TAS2R1: variants seen among roughly 807,000 people sequenced by gnomAD.
TAS2R1 encodes the protein taste receptor type 2 member 1.
For missense variants in TAS2R1, 370 were observed against 353.4 expected (o/e 1.05, Z -0.38); for synonymous variants, 141 against 134.2 (o/e 1.05, Z -0.35).
the TAS2R1 span, among the ~76,000 whole-genome samples, chr5:9,840,437 T>C: frequency 6.6e-6 from 1 of 152,236 alleles, no homozygotes; most frequent in East Asian, 1.9e-4. Flanking sequence ...CATATCTTAT[T>C]ATCTTTTGGT....
the TAS2R1 span, among the ~76,000 whole-genome samples, chr5:9,835,924 A>T: frequency 2.0e-5 from 3 of 152,202 alleles, no homozygotes; most frequent in African/African-American, 7.2e-5. Flanking sequence ...TGAGTTAATC[A>T]TCAGACCCCA....
In TAS2R1 at chr5:9,708,439, G is replaced by T. The variant is rs149828467; in HGVS notation, c.-242+3733C>A. On this transcript the variant is annotated intron_variant, in intron 1 of 2. Transcript: ENST00000506620. ...CCATATAAAGAAATACATATAAAGG[G>T]AGTAAAAGAAAATTAATATAATCAT... Among the ~76,000 whole-genome samples, 98 of 152,166 alleles carry T rather than the reference G, an allele frequency of 6.4e-4. 1 individual carries two copies. The East Asian group carries it at 0.018, about 28-fold the overall frequency.
chr5:9,892,974 A>C, the TAS2R1 span, among the ~76,000 whole-genome samples: 3 of 152,132 alleles, frequency 2.0e-5, no homozygotes, highest in African/African-American at 7.2e-5. Context: ...CACCAGACAA[A>C]GCCACATGTC....
At chr5:9,881,351 G>A in the TAS2R1 span, among the ~76,000 whole-genome samples, 1 of 152,062 alleles carries the variant, frequency 6.6e-6, no homozygotes, top group Non-Finnish European at 1.5e-5. Flanking sequence ...ACTCAAGAAA[G>A]TCAGAGAGAA....
chr5:9,759,562 T>A, the TAS2R1 span, among the ~76,000 whole-genome samples: 10 of 152,206 alleles, frequency 6.6e-5, no homozygotes, highest in East Asian at 3.8e-4. Flanking sequence ...AGTTTGAAAA[T>A]CATTAGTATA....
Position 9,671,489 on chromosome 5 carries a change from T to A in TAS2R1, c.-241-11908A>T, listed in dbSNP as rs896155780. 2.0e-5 allele frequency among the ~76,000 whole-genome samples: 3 copies of A among 152,122 alleles called. No homozygotes were observed. In the East Asian group the frequency reaches 5.8e-4, roughly 29 times the overall value. On this transcript the variant is annotated intron_variant, in intron 1 of 2. Coordinates refer to the TAS2R1 transcript ENST00000506620. ...AAAAAATCAGCAGCATTTCCATACA[T>A]CAACAATGTCCAAGCTGAGAGCCAA...
chr5:9,692,860 A>G lies in TAS2R1; in HGVS notation c.-242+19312T>C, dbSNP rs573578736. Among the ~76,000 whole-genome samples, 3 of 152,100 alleles carry G rather than the reference A, an allele frequency of 2.0e-5. No homozygotes were observed. The South Asian group carries it at 6.2e-4, about 32-fold the overall frequency. ...ATATCTTTTTTTTCCCTCAACCCTG[A>G]TTTCCTCACTTATTTCTTTAAAAAT... On this transcript the variant is annotated intron_variant, in intron 1 of 2. Coordinates refer to the TAS2R1 transcript ENST00000506620.
upstream of TAS2R1, chr5:9,713,347 T>C (rs551661238): frequency 4.6e-5 from 7 of 152,258 alleles, no homozygotes; most frequent in South Asian, 1.5e-3. Context: ...ATAGAATAAA[T>C]GCTTTGTAAT....
the TAS2R1 span, among the ~76,000 whole-genome samples, chr5:9,803,501 G>A: frequency 6.6e-6 from 1 of 152,178 alleles, no homozygotes; most frequent in Non-Finnish European, 1.5e-5. Flanking sequence ...AAAAGCATCA[G>A]GTAATCTATA....
At chr5:9,723,222 T>G in the TAS2R1 span, among the ~76,000 whole-genome samples, 1 of 152,198 alleles carries the variant, frequency 6.6e-6, no homozygotes, top group African/African-American at 2.4e-5. Flanking sequence ...TCTCTGTTGT[T>G]GCCATGAAGA....
the TAS2R1 span, among the ~76,000 whole-genome samples, chr5:9,731,539 A>G: frequency 6.6e-6 from 1 of 152,164 alleles, no homozygotes; most frequent in African/African-American, 2.4e-5. Context: ...TGCCTCCAAC[A>G]TTCTACTCTC....
the TAS2R1 span, among the ~76,000 whole-genome samples, chr5:9,760,475 G>A: frequency 6.6e-6 from 1 of 152,182 alleles, no homozygotes; most frequent in Non-Finnish European, 1.5e-5. Context: ...ATACAACCAA[G>A]TGTAAGAAGA....
the TAS2R1 span, among the ~76,000 whole-genome samples, chr5:9,824,738 T>TGAGGAGTTTGAGG: frequency 6.6e-6 from 1 of 150,410 alleles, no homozygotes; most frequent in Non-Finnish European, 1.5e-5. Context: ...TCCCAGCTAC[T>TGAGGAGTTTGAGG]CAGGAGTTTG....
the TAS2R1 span, among the ~76,000 whole-genome samples, chr5:9,809,300 C>T: frequency 6.6e-6 from 1 of 152,056 alleles, no homozygotes; most frequent in South Asian, 2.1e-4. Context: ...TTTCAGAGGG[C>T]CATGAAGGGA....
At chr5:9,760,987 G>A in the TAS2R1 span, 1 of 152,202 alleles carries the variant, frequency 6.6e-6, no homozygotes, top group African/African-American at 2.4e-5. Flanking sequence ...TTAGTACTTG[G>A]ATGGGAGAAA....
chr5:9,901,388 A>C, the TAS2R1 span, among the ~76,000 whole-genome samples: 1 of 152,072 alleles, frequency 6.6e-6, no homozygotes, highest in Admixed American at 6.6e-5. Context: ...CCTAGAAAAG[A>C]GGGCATGGCC....
chr5:9,756,086 C>A, the TAS2R1 span, among the ~76,000 whole-genome samples: 26 of 152,292 alleles, frequency 1.7e-4, no homozygotes, highest in South Asian at 5.4e-3. Context: ...GGTTCAAATG[C>A]CTCTGACAGT....
the TAS2R1 span, among the ~76,000 whole-genome samples, chr5:9,764,994 A>T: frequency 6.6e-6 from 1 of 152,214 alleles, no homozygotes; most frequent in East Asian, 1.9e-4. Flanking sequence ...AGTGATAAAA[A>T]GTAGAGCACA....
upstream of TAS2R1, among the ~76,000 whole-genome samples, chr5:9,717,034 A>G (rs962824714): frequency 1.3e-5 from 2 of 152,214 alleles, no homozygotes; most frequent in Admixed American, 6.5e-5. Flanking sequence ...ATAGCTGCTA[A>G]GAGCCTGTGG....
Sources: allele counts gnomAD v4.1 joint callset (sites outside exome capture counted in the v4.1 genomes callset), GRCh38; gene constraint gnomAD v4.1.1; transcripts MANE v1.5; gene names NCBI Gene and HGNC (gene_info 2026-07-23, HGNC 2026-07-21).